Variants in CBLB observed in about 807,000 individuals in gnomAD.
CBLB encodes E3 ubiquitin-protein ligase CBL-B.
Under a neutral mutation model 104.9 loss-of-function variants are expected in CBLB, and 31 were observed. The observed-to-expected ratio is 0.30, with a 90% CI of 0.22 to 0.40. The LOEUF (loss-of-function observed/expected upper bound fraction) is 0.40, where lower values mean the gene tolerates loss of function less well. CBLB is among the 10% of genes least tolerant of loss of function. The probability of loss-of-function intolerance (pLI) is 1.00; values close to 1 mark genes in which losing one functional copy is unlikely to be tolerated. For synonymous variants in CBLB, 440 were observed against 422.6 expected (o/e 1.04, Z -0.51); for missense variants, 1,062 against 1,214.6 (o/e 0.87, Z 1.87).
intron 12 of CBLB, among the ~76,000 whole-genome samples, chr3:105,695,327 G>A (rs1323141118): frequency 6.6e-6 from 1 of 151,754 alleles, no homozygotes; most frequent in Non-Finnish European, 1.5e-5. Flanking sequence ...TTTATAATCA[G>A]AACATTATGA....
chr3:105,813,523 C>T (rs1200222734), intron 3 of CBLB, among the ~76,000 whole-genome samples: 1 of 151,970 alleles, frequency 6.6e-6, no homozygotes, highest in Non-Finnish European at 1.5e-5. Flanking sequence ...AAAAATGAGT[C>T]CTAATTTCAA....
intron 1 of CBLB, chr3:105,868,427 T>C: frequency 2.6e-6 from 1 of 389,216 alleles, no homozygotes; most frequent in Non-Finnish European, 4.5e-6. Flanking sequence ...GGGGACAAAG[T>C]GTCCCTCCCG....
At position 105,791,831 on chromosome 3, in the gene CBLB, A is replaced by T. The variant is rs548219419; in HGVS notation, c.420-15289T>A. Among the ~76,000 whole-genome samples, 144 of 152,314 alleles carry T rather than the reference A, an allele frequency of 9.5e-4. 1 individual carries two copies. The highest frequency in any genetic ancestry group is 3.4e-3 in the African/African-American group (143 of 41,564). ...TTTCTGATCAGCATTTATTTCCATT[A>T]TGTTAGTTGGTGAGTTTAATTTGGA... On this transcript the variant is annotated intron_variant, in intron 3 of 18. Transcript: ENST00000394030.
Position 105,718,919 on chromosome 3 carries a change from C to T in CBLB, c.1407+1128G>A, listed in dbSNP as rs138513224. ...TATCCAAGAGTCTACCTCTCTTGAC[C>T]ACTGTATTTCTGGTCTGTAAATTAA... On this transcript the variant is annotated intron_variant, in intron 10 of 18. Coordinates refer to ENST00000394030, the MANE Select transcript of CBLB (RefSeq NM_170662.5). Among the ~76,000 whole-genome samples, 303 of 152,272 alleles carry T rather than the reference C, an allele frequency of 2.0e-3. 2 individuals carry two copies. The highest frequency in any genetic ancestry group is 7.1e-3 in the African/African-American group (294 of 41,540).
chr3:105,675,182 T>C (rs569528596), intron 17 of CBLB, among the ~76,000 whole-genome samples: 51 of 152,282 alleles, frequency 3.3e-4, no homozygotes, highest in Middle Eastern at 3.4e-3. Flanking sequence ...GGAAACCAAA[T>C]CTCAATAATG....
At chr3:105,691,904 C>T (rs1462962959) in intron 13 of CBLB, among the ~76,000 whole-genome samples, 1 of 152,186 alleles carries the variant, frequency 6.6e-6, no homozygotes, top group Non-Finnish European at 1.5e-5. Flanking sequence ...ATGCCCATCC[C>T]TCCATGACAT....
chr3:105,768,743 C>G (rs927619035), intron 4 of CBLB, among the ~76,000 whole-genome samples: 2 of 152,070 alleles, frequency 1.3e-5, no homozygotes, highest in Non-Finnish European at 2.9e-5. Flanking sequence ...GTCTAAAATA[C>G]AACAGCAACC....
intron 3 of CBLB, among the ~76,000 whole-genome samples, chr3:105,801,422 T>C (rs1253554172): frequency 6.6e-6 from 1 of 152,226 alleles, no homozygotes; most frequent in Non-Finnish European, 1.5e-5. Context: ...ACTTTAAGTA[T>C]AAGGAACTCA....
intron 6 of CBLB, among the ~76,000 whole-genome samples, chr3:105,741,533 C>T (rs1052849197): frequency 1.3e-5 from 2 of 152,070 alleles, no homozygotes; most frequent in African/African-American, 4.8e-5. Context: ...GTAGCTGGGA[C>T]CACAGGTGCC....
chr3:105,718,449 A>C (rs1474405280), intron 10 of CBLB, among the ~76,000 whole-genome samples: 1 of 152,166 alleles, frequency 6.6e-6, no homozygotes, highest in Non-Finnish European at 1.5e-5. Flanking sequence ...GAAGGGAGAA[A>C]ATGCAGGAGT....
At chr3:105,826,979 C>T (rs1266475200) in intron 3 of CBLB, among the ~76,000 whole-genome samples, 1 of 152,168 alleles carries the variant, frequency 6.6e-6, no homozygotes, top group Non-Finnish European at 1.5e-5. Flanking sequence ...CATACACTTA[C>T]AGCTATGCAT....
intron 1 of CBLB, 23 bp from the exon 2 acceptor site, chr3:105,867,614 A>G: frequency 6.2e-7 from 1 of 1,609,232 alleles, no homozygotes. Context: ...GATTTAAAAA[A>G]AGAAAAGTTA....
intron 2 of CBLB, among the ~76,000 whole-genome samples, chr3:105,856,348 CAAAAA>C (rs1169479720): frequency 6.4e-5 from 2 of 31,090 alleles, no homozygotes; most frequent in Non-Finnish European, 1.3e-4. Flanking sequence ...GACTCCATCT[CAAAAA>C]AAAAAAAAAA....
chr3:105,701,783 G>C (rs1433371495), intron 12 of CBLB, among the ~76,000 whole-genome samples: 5 of 149,394 alleles, frequency 3.3e-5, no homozygotes, highest in Middle Eastern at 3.5e-3. Flanking sequence ...AAAAAATGCA[G>C]GCTGATTATA....
At chr3:105,666,685 C>CA (rs894252015) in intron 18 of CBLB, among the ~76,000 whole-genome samples, 27 of 148,858 alleles carry the variant, frequency 1.8e-4, no homozygotes, top group African/African-American at 4.7e-4. Flanking sequence ...GACTCCATCT[C>CA]AAAAAAAAAG....
Position 105,670,017 on chromosome 3 carries a change from A to G in CBLB, c.2689+216T>C, listed in dbSNP as rs1279787530. ...AAGTGGCTCCACTGAGTGATCAAAG[A>G]TAATATTAAGCTTAATATTTTTCTT... On this transcript the variant is annotated intron_variant, in intron 18 of 18. Transcript: ENST00000394030. Among the ~76,000 whole-genome samples the G allele has an allele frequency of 3.3e-5, 5 of 152,294 alleles. No individual in the cohort carries two copies. The East Asian group carries it at 9.6e-4, about 29-fold the overall frequency.
chr3:105,806,208 A>G (rs2083473251), intron 3 of CBLB, among the ~76,000 whole-genome samples: 1 of 152,192 alleles, frequency 6.6e-6, no homozygotes, highest in African/African-American at 2.4e-5. Flanking sequence ...AAACTCAGAA[A>G]TTCAGAGAGA....
At chr3:105,863,049 T>C (rs530668808) in intron 2 of CBLB, among the ~76,000 whole-genome samples, 15 of 152,298 alleles carry the variant, frequency 9.8e-5, no homozygotes, top group Admixed American at 3.3e-4. Context: ...AATCAACAGA[T>C]AGCACATAAA....
At position 105,839,296 on chromosome 3, in the gene CBLB, T is replaced by C. The variant is rs191898245; in HGVS notation, c.419+14118A>G. The C allele has an allele frequency of 1.2e-4, 19 of 152,306 alleles. No individual in the cohort carries two copies. In the East Asian group the frequency reaches 3.7e-3, roughly 29 times the overall value. The allele number at this position is 152,306 out of a possible 1,614,324, so 9.4% of individuals were successfully genotyped here. Reference sequence around the variant, plus strand: ...TCAGACATTAGTGGCATATCTTGTGTTAAAAACAAAAACAAAAAAGGCCTA... The same window carrying C: ...TCAGACATTAGTGGCATATCTTGTGCTAAAAACAAAAACAAAAAAGGCCTA... On this transcript the variant is annotated intron_variant, in intron 3 of 18. Transcript: ENST00000394030.
Sources: gnomAD v4.1 joint callset for allele counts (sites outside exome capture counted in the v4.1 genomes callset) on GRCh38, gnomAD v4.1.1 for gene constraint, MANE v1.5 for transcripts, NCBI Gene and HGNC (gene_info 2026-07-23, HGNC 2026-07-21) for gene names.